The following TBC1D9 variants were observed in gnomAD, a reference collection of about 807,000 sequenced individuals.
TBC1D9 encodes TBC1 domain family member 9A.
Under a neutral mutation model 132.0 loss-of-function variants are expected in TBC1D9, and 63 were observed. The observed-to-expected ratio is 0.48, with a 90% CI of 0.39 to 0.59. The LOEUF (loss-of-function observed/expected upper bound fraction) is 0.59, where lower values mean the gene tolerates loss of function less well. TBC1D9 is among the 20% of genes least tolerant of loss of function. The pLI is 0.00. For synonymous variants in TBC1D9, 610 were observed against 609.9 expected, an observed-to-expected ratio of 1.00 and a Z score of 0.00; for missense variants, 1,261 against 1,592.7, an observed-to-expected ratio of 0.79 and a Z score of 3.54.
chr4:140,735,383 A>G (rs370226095), intron 1 of TBC1D9, among the ~76,000 whole-genome samples: 12 of 152,326 alleles, frequency 7.9e-5, no homozygotes, highest in African/African-American at 2.9e-4. Context: ...GGTTATAGGC[A>G]CATCAGAAAT....
At chr4:140,674,335 G>C (rs888846968) in intron 6 of TBC1D9, among the ~76,000 whole-genome samples, 1 of 152,182 alleles carries the variant, frequency 6.6e-6, no homozygotes, top group African/African-American at 2.4e-5. Flanking sequence ...AGGAGAGCTA[G>C]ATTTGTCAGT....
chr4:140,678,439 A>G (rs1335142284), intron 5 of TBC1D9, among the ~76,000 whole-genome samples: 1 of 152,152 alleles, frequency 6.6e-6, no homozygotes, highest in East Asian at 1.9e-4. Context: ...TCTCACATTC[A>G]GACTTTGAGG....
intron 6 of TBC1D9, among the ~76,000 whole-genome samples, chr4:140,675,074 A>G (rs914130230): frequency 2.6e-5 from 4 of 152,166 alleles, no homozygotes; most frequent in Non-Finnish European, 5.9e-5. Context: ...GGAAATAACT[A>G]AAAATAAAAA....
At chr4:140,737,090 C>A (rs1328564209) in intron 1 of TBC1D9, among the ~76,000 whole-genome samples, 3 of 152,184 alleles carry the variant, frequency 2.0e-5, no homozygotes, top group Non-Finnish European at 4.4e-5. Flanking sequence ...AAGGAGCCCA[C>A]AATCTAGATC....
chr4:140,734,848 T>C (rs1738649555), intron 1 of TBC1D9, among the ~76,000 whole-genome samples: 1 of 152,162 alleles, frequency 6.6e-6, no homozygotes, highest in Non-Finnish European at 1.5e-5. Context: ...TGTTTTTTGC[T>C]TTCAGTATCT....
chr4:140,731,668 T>TAC (rs56768107), intron 1 of TBC1D9, among the ~76,000 whole-genome samples: 52,148 of 147,050 alleles, frequency 0.35, 9,685 homozygotes, highest in South Asian at 0.47. Flanking sequence ...TTAAAACACA[T>TAC]ACACACACAC....
chr4:140,714,628 A>T (rs955144084), intron 1 of TBC1D9, among the ~76,000 whole-genome samples: 3 of 152,214 alleles, frequency 2.0e-5, no homozygotes, highest in Non-Finnish European at 4.4e-5. Flanking sequence ...CTCTGAGCTA[A>T]TCTCTTCAGG....
chr4:140,642,554 T>C, intron 13 of TBC1D9: 2 of 1,075,708 alleles, frequency 1.9e-6, no homozygotes, highest in East Asian at 2.4e-5. Flanking sequence ...GAGAGGGCCT[T>C]TGTCGAGCTT....
rs545373233 is a variant in TBC1D9, at chr4:140,621,990, G to GCAA, written c.*202_*204dup. 867 of 617,848 alleles carry GCAA rather than the reference G, an allele frequency of 1.4e-3. 4 individuals are homozygous for GCAA. Among genetic ancestry groups the GCAA allele is most frequent in the South Asian group, 7.4e-3 (142 of 19,192 alleles). The allele number at this position is 617,848 out of a possible 1,614,324, so 38.3% of individuals were successfully genotyped here. On this transcript the variant is annotated 3_prime_UTR_variant, in exon 21 of 21. Transcript: ENST00000442267. The stretch of plus-strand genomic sequence containing the variant: ...CTGTATTCTGGTAAATCCCCTCCCC[G>GCAA]CAACAAGAGTGTAATGTACCTACAT...
At chr4:140,643,949 C>T (rs1467207721) in intron 13 of TBC1D9, 6 of 633,234 alleles carry the variant, frequency 9.5e-6, no homozygotes, top group African/African-American at 1.8e-5. Context: ...CCTCCACCTC[C>T]ACCTTCGCCT....
intron 13 of TBC1D9, chr4:140,642,277 A>G: frequency 1.4e-6 from 1 of 707,556 alleles, no homozygotes; most frequent in Non-Finnish European, 2.5e-6. Context: ...CTCACTTCGG[A>G]GGCAAACGCG....
intron 1 of TBC1D9, among the ~76,000 whole-genome samples, chr4:140,718,348 G>A (rs1560895150): frequency 6.6e-6 from 1 of 150,592 alleles, no homozygotes; most frequent in Non-Finnish European, 1.5e-5. Context: ...TTTTTATTAA[G>A]ACAGAACAAT....
At position 140,622,698 on chromosome 4, in the gene TBC1D9, CT is replaced by C; in HGVS notation, c.3297del (p.Pro1101GlnfsTer50). 6.2e-7 allele frequency: 1 copy of C among 1,611,814 alleles called. No individual in the cohort carries two copies. The highest frequency in any genetic ancestry group is 1.1e-5 in the South Asian group (1 of 90,860). ...TCCACCACGTAAGGCTGGCCTGGCC[CT>C]TTCTTGGGGAAGAGCACGCCTGGGA... ...QGIPGVLFPK[K>X]GPGQPYVVES... On this transcript the variant is annotated frameshift_variant, in exon 21 of 21. Coordinates refer to ENST00000442267, the MANE Select transcript of TBC1D9 (RefSeq NM_015130.3). LOFTEE classifies it high-confidence loss of function.
chr4:140,669,448 C>G (rs1410390126), intron 8 of TBC1D9, among the ~76,000 whole-genome samples, 186 bp downstream of exon 8: 1 of 152,066 alleles, frequency 6.6e-6, no homozygotes, highest in African/African-American at 2.4e-5. Context: ...TCACCTGTAC[C>G]CTCTATAACT....
At chr4:140,721,011 C>T (rs1738415186) in intron 1 of TBC1D9, among the ~76,000 whole-genome samples, 2 of 152,152 alleles carry the variant, frequency 1.3e-5, no homozygotes, top group Non-Finnish European at 2.9e-5. Flanking sequence ...CCTCACTCAG[C>T]TCAGCCAGTC....
At chr4:140,686,208 G>C (rs936860167) in intron 3 of TBC1D9, 136 bp downstream of exon 3, 7 of 580,852 alleles carry the variant, frequency 1.2e-5, no homozygotes, top group Non-Finnish European at 2.1e-5. Context: ...ATATGAGAAA[G>C]CAAATGCAGT....
chr4:140,732,219 T>C (rs1447606026), intron 1 of TBC1D9, among the ~76,000 whole-genome samples: 8 of 152,192 alleles, frequency 5.3e-5, no homozygotes, highest in Non-Finnish European at 1.5e-5. Flanking sequence ...TTTAATTTAT[T>C]AAATGGGAAT....
At chr4:140,702,581 A>G (rs1738089893) in intron 1 of TBC1D9, among the ~76,000 whole-genome samples, 1 of 152,206 alleles carries the variant, frequency 6.6e-6, no homozygotes, top group East Asian at 1.9e-4. Flanking sequence ...GTTCCCAGAC[A>G]ACTTGTCAGG....
intron 15 of TBC1D9, among the ~76,000 whole-genome samples, chr4:140,637,874 C>CA (rs1560868352): frequency 1.3e-5 from 2 of 152,202 alleles, no homozygotes; most frequent in African/African-American, 4.8e-5. Flanking sequence ...GTTTCCTCGT[C>CA]AGAAAAATGC....
Sources: allele counts gnomAD v4.1 joint callset (sites outside exome capture counted in the v4.1 genomes callset), GRCh38; gene constraint gnomAD v4.1.1; transcripts MANE v1.5; gene names NCBI Gene and HGNC (gene_info 2026-07-23, HGNC 2026-07-21).